The following GLIPR2 variants were observed in gnomAD, a reference collection of about 807,000 sequenced individuals.
The protein encoded by GLIPR2 is Golgi-associated plant pathogenesis-related protein 1.
Under a neutral mutation model 20.4 loss-of-function variants are expected in GLIPR2, and 21 were observed. The observed-to-expected ratio is 1.03, with a 90% CI of 0.73 to 1.48. The LOEUF is 1.48. Ranked by LOEUF, GLIPR2 falls within the 40% of genes most tolerant of loss-of-function variation. The probability of loss-of-function intolerance (pLI) is 0.00; values close to 1 mark genes in which losing one functional copy is unlikely to be tolerated. For missense variants in GLIPR2, 205 were observed against 200.1 expected, an observed-to-expected ratio of 1.02 and a Z score of -0.15; for synonymous variants, 91 against 80.5, an observed-to-expected ratio of 1.13 and a Z score of -0.70.
intron 1 of GLIPR2, chr9:36,144,652 C>T (rs1178823751): frequency 6.6e-6 from 1 of 152,492 alleles, no homozygotes; most frequent in African/African-American, 2.4e-5. Flanking sequence ...TCAGAGCCCC[C>T]ATATCCCTGC....
At position 36,162,604 on chromosome 9, in the gene GLIPR2, C is replaced by A; in HGVS notation, c.*82C>A. 1 of 1,397,270 alleles carries A rather than the reference C, an allele frequency of 7.2e-7. No individual in the cohort carries two copies. The allele number at this position is 1,397,270 out of a possible 1,614,324, so 86.6% of individuals were successfully genotyped here. On this transcript the variant is annotated 3_prime_UTR_variant, in exon 5 of 5. Transcript: ENST00000377960. ...GAACCACCACAACCTGGCTGTGCGT[C>A]TGTCCCTGTGGGTGTATGTGCTTGT... is the stretch of plus-strand genomic sequence containing the variant.
At chr9:36,158,399 T>C (rs1825926905) in intron 4 of GLIPR2, among the ~76,000 whole-genome samples, 1 of 152,254 alleles carries the variant, frequency 6.6e-6, no homozygotes, top group Non-Finnish European at 1.5e-5. Context: ...GTAACCATCC[T>C]GCTGAGTGTG....
intron 4 of GLIPR2, 133 bp from the exon 5 acceptor site, chr9:36,162,229 C>A (rs71531216): frequency 6.3e-7 from 1 of 1,580,856 alleles, no homozygotes; most frequent in Admixed American, 1.8e-5. Flanking sequence ...CCTTCCCCTG[C>A]AGGGGGTCTG....
intron 4 of GLIPR2, among the ~76,000 whole-genome samples, chr9:36,154,155 C>T (rs1389779092): frequency 1.3e-5 from 2 of 149,452 alleles, no homozygotes; most frequent in East Asian, 4.0e-4. Flanking sequence ...AGTGCAGTGG[C>T]ACAATCTCGG....
Position 36,155,890 on chromosome 9 carries a change from T to C in GLIPR2, c.304+4941T>C, listed in dbSNP as rs141463831. Among the ~76,000 whole-genome samples, 1,155 of 151,680 alleles carry C rather than the reference T, an allele frequency of 7.6e-3. 16 individuals are homozygous for C. The highest frequency in any genetic ancestry group is 0.027 in the African/African-American group (1,103 of 41,362). On this transcript the variant is annotated intron_variant, in intron 4 of 4. Transcript: ENST00000377960. ...GAGCTCCAGACCAGCCTGGACAACATGGCAAGACCCCATCTCTACAAAAAC... is the reference window on the plus strand; with the variant it reads ...GAGCTCCAGACCAGCCTGGACAACACGGCAAGACCCCATCTCTACAAAAAC...
At chr9:36,162,013 A>G (rs1826073963) in intron 4 of GLIPR2, among the ~76,000 whole-genome samples, 1 of 152,166 alleles carries the variant, frequency 6.6e-6, no homozygotes, top group African/African-American at 2.4e-5. Context: ...TCTCTACTAA[A>G]AATACAAAAA....
At position 36,148,544 on chromosome 9, in the gene GLIPR2, C is replaced by T; in HGVS notation, c.123-3C>T. On this transcript the variant is annotated splice_polypyrimidine_tract_variant and splice_region_variant and intron_variant, in intron 2 of 4. Transcript: ENST00000377960. ...CTCTGAGGAGGCGCTGTGAACTCTG[C>T]AGGTATTCTGAGGCCCTGGCCAGCA... 2 of 1,611,366 alleles carry T rather than the reference C, an allele frequency of 1.2e-6. No homozygotes were observed.
intron 3 of GLIPR2, 58 bp from the exon 4 acceptor site, chr9:36,150,814 G>C: frequency 7.8e-7 from 1 of 1,275,746 alleles, no homozygotes; most frequent in Admixed American, 1.7e-5. Context: ...AAAATGCAGG[G>C]AATAGGGAGT....
intron 1 of GLIPR2, among the ~76,000 whole-genome samples, chr9:36,142,519 C>G (rs1460828246): frequency 6.6e-6 from 1 of 152,196 alleles, no homozygotes; most frequent in Non-Finnish European, 1.5e-5. Context: ...CAGGAGAAAG[C>G]AGGCCCGGGA....
At chr9:36,150,795 T>C (rs1339572456) in intron 3 of GLIPR2, 77 bp from the exon 4 acceptor site, 10 of 1,046,686 alleles carry the variant, frequency 9.6e-6, no homozygotes, top group Non-Finnish European at 1.3e-5. Flanking sequence ...GGCTTGGGGC[T>C]GATGGGAGAA....
chr9:36,158,229 G>A (rs1825921756), intron 4 of GLIPR2, among the ~76,000 whole-genome samples: 1 of 152,248 alleles, frequency 6.6e-6, no homozygotes, highest in Non-Finnish European at 1.5e-5. Context: ...GAATTGCTGA[G>A]TCATTGCAAT....
chr9:36,151,003 G>A (rs1825560523), intron 4 of GLIPR2, 54 bp downstream of exon 4: 1 of 1,223,406 alleles, frequency 8.2e-7, no homozygotes, highest in Non-Finnish European at 1.2e-6. Flanking sequence ...TGCAGGTTGG[G>A]TGTCTGACTT....
rs775627079 is a variant in GLIPR2 at position 36,150,911 on chromosome 9, A to G, written c.266A>G (p.Asn89Ser). 3.7e-6 allele frequency: 6 copies of G among 1,613,796 alleles called. No individual in the cohort carries two copies. In the African/African-American group the frequency reaches 8.0e-5, roughly 22 times the overall value. ...VADRWYSEIK[N>S]YNFQQPGFTS... ...GATAGATGGTACAGTGAAATCAAGA[A>G]CTATAACTTCCAGCAGCCTGGCTTC... The change falls in exon 4 of 5, where the codon AAC (asparagine) becomes AGC (serine). Residue 89 changes from asparagine to serine, a missense_variant. Transcript: ENST00000377960.
At chr9:36,163,907 T>C (rs41277095), downstream of GLIPR2, 2,496 of 152,802 alleles carry the variant, frequency 0.016, 40 homozygotes, top group Non-Finnish European at 0.023. Context: ...CTTTGTGTAA[T>C]AACCTCCTCC....
chr9:36,157,757 C>A (rs1211130060), intron 4 of GLIPR2, among the ~76,000 whole-genome samples: 1 of 151,380 alleles, frequency 6.6e-6, no homozygotes, highest in African/African-American at 2.4e-5. Flanking sequence ...CCACATTTTG[C>A]TTATCCTTTC....
intron 4 of GLIPR2, 132 bp from the exon 5 acceptor site, chr9:36,162,230 A>C (rs1042940549): frequency 1.3e-6 from 2 of 1,583,364 alleles, no homozygotes; most frequent in Admixed American, 3.6e-5. Context: ...CTTCCCCTGC[A>C]GGGGGTCTGT....
At chr9:36,152,834 C>T (rs916641102) in intron 4 of GLIPR2, among the ~76,000 whole-genome samples, 10 of 147,362 alleles carry the variant, frequency 6.8e-5, no homozygotes, top group Non-Finnish European at 1.3e-4. Context: ...TTTGGCCAGG[C>T]GCAGTAGCTC....
At position 36,162,574 on chromosome 9, in the gene GLIPR2, G is replaced by T. The variant is rs375589041; in HGVS notation, c.*52G>T. On this transcript the variant is annotated 3_prime_UTR_variant, in exon 5 of 5. Coordinates refer to ENST00000377960, the MANE Select transcript of GLIPR2 (RefSeq NM_022343.4). Reference sequence around the variant, plus strand: ...AGACTTAAGAACGTGGATATGAAGTGCCTAGAACCACCACAACCTGGCTGT... The same window carrying T: ...AGACTTAAGAACGTGGATATGAAGTTCCTAGAACCACCACAACCTGGCTGT... The T allele has an allele frequency of 1.3e-6, 2 of 1,576,482 alleles. No individual in the cohort carries two copies. Among genetic ancestry groups the T allele is most frequent in the African/African-American group, 2.7e-5 (2 of 74,024 alleles).
At chr9:36,150,354 T>C (rs1046734501) in intron 3 of GLIPR2, among the ~76,000 whole-genome samples, 1 of 152,186 alleles carries the variant, frequency 6.6e-6, no homozygotes. Context: ...TATCAACACG[T>C]GTGGGGACAG....
Sources: allele counts gnomAD v4.1 joint callset (sites outside exome capture counted in the v4.1 genomes callset), GRCh38; gene constraint gnomAD v4.1.1; transcripts MANE v1.5; gene names NCBI Gene and HGNC (gene_info 2026-07-23, HGNC 2026-07-21).